Variants in ADGB observed in about 807,000 individuals in gnomAD.
ADGB encodes androglobin.
A neutral mutation model predicts 210.5 loss-of-function variants in ADGB; 172 were observed. That is an observed-to-expected ratio of 0.82 (90% CI 0.72 to 0.93). The LOEUF (loss-of-function observed/expected upper bound fraction) is 0.93, where lower values mean the gene tolerates loss of function less well. Among genes scored for constraint, ADGB ranks in the 40% least tolerant of loss-of-function variants. The pLI is 0.00. For missense variants in ADGB, 2,025 were observed against 1,964.8 expected (o/e 1.03, Z -0.58); for synonymous variants, 658 against 662.7 (o/e 0.99, Z 0.11).
intron 35 of ADGB, chr6:146,807,687 G>C (rs1778233157): frequency 1.1e-6 from 1 of 939,750 alleles, no homozygotes; most frequent in Non-Finnish European, 1.5e-6. Context: ...ACTGAAAATA[G>C]AAATTGTTCT....
chr6:146,672,520 C>T (rs1776024661), intron 8 of ADGB, 53 bp downstream of exon 8: 1 of 1,462,768 alleles, frequency 6.8e-7, no homozygotes, highest in South Asian at 1.5e-5. Context: ...CATATAAATG[C>T]CTTACAATTT....
chr6:146,675,080 G>C (rs965132471), intron 8 of ADGB, among the ~76,000 whole-genome samples: 1 of 151,820 alleles, frequency 6.6e-6, no homozygotes, highest in African/African-American at 2.4e-5. Flanking sequence ...GAAACTTCTT[G>C]GTTAAATGTT....
At chr6:146,717,093 C>G in intron 15 of ADGB, 24 bp downstream of exon 15, 1 of 1,530,746 alleles carries the variant, frequency 6.5e-7, no homozygotes, top group East Asian at 2.5e-5. Context: ...TGGGATCAAT[C>G]TGACTATGTC....
At chr6:146,617,606 GTA>G (rs1182606638) in intron 1 of ADGB, among the ~76,000 whole-genome samples, 1 of 151,686 alleles carries the variant, frequency 6.6e-6, no homozygotes, top group Non-Finnish European at 1.5e-5. Flanking sequence ...TTGTTTTCAG[GTA>G]TATTCCTTCT....
rs780545308 is a variant in ADGB at position 146,815,048 on chromosome 6, C to A, written c.4835C>A (p.Ala1612Asp). ...TTGGAACAGGACTCCTTAGATGAAG[C>A]CCGACAGAAAATTTTCGACATCCGG... ...YKEMQDSLDE[A>D]RQKIFDIREE... Residue 1612 changes from alanine (A) to aspartate (D), a missense_variant, in exon 36 of 36, where the codon GCC becomes GAC. Coordinates refer to ENST00000397944, the MANE Select transcript of ADGB (RefSeq NM_024694.4). 5.8e-6 allele frequency: 9 copies of A among 1,544,666 alleles called. No individual in the cohort carries two copies. Among genetic ancestry groups the A allele is most frequent in the Non-Finnish European group, 7.9e-6 (9 of 1,145,360 alleles).
At chr6:146,607,650 A>G (rs746575361) in intron 1 of ADGB, among the ~76,000 whole-genome samples, 2 of 152,152 alleles carry the variant, frequency 1.3e-5, no homozygotes, top group South Asian at 2.1e-4. Flanking sequence ...TGAGATGATC[A>G]TGTGGTTTTT....
At chr6:146,733,715 T>G (rs965226030) in intron 21 of ADGB, among the ~76,000 whole-genome samples, 178 bp from the exon 22 acceptor site, 1 of 152,208 alleles carries the variant, frequency 6.6e-6, no homozygotes, top group Admixed American at 6.5e-5. Context: ...GTGTTTTCCC[T>G]CCTGCAGAAT....
intron 1 of ADGB, among the ~76,000 whole-genome samples, chr6:146,622,539 A>G (rs1780910172): frequency 6.6e-6 from 1 of 152,142 alleles, no homozygotes; most frequent in Non-Finnish European, 1.5e-5. Context: ...TAGATACTCT[A>G]CATGCCACAC....
At chr6:146,704,047 C>T (rs966057405) in intron 13 of ADGB, among the ~76,000 whole-genome samples, 3 of 151,818 alleles carry the variant, frequency 2.0e-5, no homozygotes, top group Non-Finnish European at 2.9e-5. Context: ...AATTTATGTT[C>T]CTCTGATGAT....
rs1455010356 is a variant in ADGB, at chr6:146,740,484, T to G, written c.2914T>G (p.Ser972Ala). 1 of 1,547,102 alleles carries G rather than the reference T, an allele frequency of 6.5e-7. No homozygotes were observed. The highest frequency in any genetic ancestry group is 8.7e-7 in the Non-Finnish European group (1 of 1,144,176). The stretch of plus-strand genomic sequence containing the variant: ...ACTAATGTTTAAAAGCAAGTGCAAG[T>G]CTTTGGAATCTTATCCATGCTATCA... ...LRLMFKSKCK[S>A]LESYPCYQDE... Residue 972 changes from serine (S) to alanine (A), a missense_variant, in exon 24 of 36, where the codon TCT becomes GCT. Coordinates refer to ENST00000397944, the MANE Select transcript of ADGB (RefSeq NM_024694.4).
chr6:146,777,826 C>T (rs1777742783), intron 29 of ADGB, among the ~76,000 whole-genome samples: 1 of 152,168 alleles, frequency 6.6e-6, no homozygotes. Context: ...CCACTTGTGT[C>T]AGAATCACGT....
chr6:146,779,431 T>C (rs569345315), intron 29 of ADGB, among the ~76,000 whole-genome samples: 78 of 152,308 alleles, frequency 5.1e-4, no homozygotes, highest in African/African-American at 1.8e-3. Flanking sequence ...GCTGAAAATG[T>C]CCAGATTTGA....
At position 146,673,721 on chromosome 6, in the gene ADGB, T is replaced by C. The variant is rs367740516; in HGVS notation, c.1087+1254T>C. ...TAGAATTCCAAGCTGCAGAGCAAGA[T>C]AGATGGTGGTACCATTTAGGAGAGA... On this transcript the variant is annotated intron_variant, in intron 8 of 35. Coordinates refer to ENST00000397944, the MANE Select transcript of ADGB (RefSeq NM_024694.4). 5.9e-5 allele frequency among the ~76,000 whole-genome samples: 9 copies of C among 152,274 alleles called. No homozygotes were observed. In the East Asian group the frequency reaches 1.2e-3, roughly 20 times the overall value.
At position 146,656,864 on chromosome 6, in the gene ADGB, C is replaced by G; in HGVS notation, c.496C>G (p.Pro166Ala). The change falls in exon 5 of 36, where the codon CCT becomes GCT. Residue 166 changes from proline (P) to alanine (A), a missense_variant. Physicochemically the swap from Pro to Ala is conservative, Grantham distance 27. Transcript: ENST00000397944. ...TTATTTTAAGGGGACTTCAGGGGAA[C>G]CTCCTCTTCTCCCCTGGAAGCCCTG... ...SNYFKGTSGEPPLLPWKPWEH... is the reference protein window; with the variant it reads ...SNYFKGTSGEAPLLPWKPWEH... 2 of 1,551,122 alleles carry G rather than the reference C, an allele frequency of 1.3e-6. No individual in the cohort carries two copies. The highest frequency in any genetic ancestry group is 2.7e-5 in the African/African-American group (2 of 73,136).
intron 1 of ADGB, among the ~76,000 whole-genome samples, chr6:146,631,717 G>A (rs1032431329): frequency 3.3e-5 from 5 of 152,038 alleles, no homozygotes; most frequent in African/African-American, 1.2e-4. Context: ...TACCTGTGGA[G>A]GCACACAGTC....
At chr6:146,771,938 T>C (rs1332945856) in intron 29 of ADGB, among the ~76,000 whole-genome samples, 1 of 152,208 alleles carries the variant, frequency 6.6e-6, no homozygotes, top group Non-Finnish European at 1.5e-5. Context: ...TTGTTTTGTT[T>C]TGCTTTTTGT....
Position 146,656,950 on chromosome 6 carries a change from T to C in ADGB, c.582T>C (p.Tyr194=). 6.4e-7 allele frequency: 1 copy of C among 1,551,498 alleles called. No individual in the cohort carries two copies. Among genetic ancestry groups the C allele is most frequent in the Non-Finnish European group, 8.7e-7 (1 of 1,146,812 alleles). ...VKGHMPLFNS[Y]GKYVVKLYWM... is the part of the protein sequence containing the mutation. ...GTCATATGCCTTTGTTCAATAGCTA[T>C]GGAAAGTATGTTGTGAAACTTTACT... The change falls in exon 5 of 36, where the codon TAT becomes TAC. Residue 194 remains tyrosine, a synonymous_variant. Transcript: ENST00000397944.
At chr6:146,703,282 T>C (rs1776518875) in intron 13 of ADGB, among the ~76,000 whole-genome samples, 1 of 151,968 alleles carries the variant, frequency 6.6e-6, no homozygotes, top group African/African-American at 2.4e-5. Context: ...TATGCATTTA[T>C]AGTGTAAAAC....
rs773916853 is a variant in ADGB at position 146,644,848 on chromosome 6, G to T, written c.313G>T (p.Asp105Tyr). ...AATTTATTCCTGGAAACGTCCACAA[G>T]ATATTTTATTTAGTCAGGTAAGAAA... ...LKIYSWKRPQ[D>Y]ILFSQTPVVV... The change falls in exon 3 of 36, where the codon GAT (aspartate) becomes TAT (tyrosine). Residue 105 changes from aspartate to tyrosine, a missense_variant. Coordinates refer to ENST00000397944, the MANE Select transcript of ADGB (RefSeq NM_024694.4). The T allele has an allele frequency of 1.7e-5, 25 of 1,486,450 alleles. No homozygotes were observed. The highest frequency in any genetic ancestry group is 2.8e-5 in the African/African-American group (2 of 70,694). The allele number at this position is 1,486,450 out of a possible 1,614,324, so 92.1% of individuals were successfully genotyped here. A position where few individuals can be genotyped will look rare whatever the true frequency, so the allele number is the denominator to read the frequency against.
Sources: gnomAD v4.1 joint callset for allele counts (sites outside exome capture counted in the v4.1 genomes callset) on GRCh38, gnomAD v4.1.1 for gene constraint, MANE v1.5 for transcripts, NCBI Gene and HGNC (gene_info 2026-07-23, HGNC 2026-07-21) for gene names.